MIPOL1: variants seen among roughly 807,000 people sequenced by gnomAD.
MIPOL1 encodes the protein mirror-image polydactyly gene 1 protein.
Under a neutral mutation model 60.9 loss-of-function variants are expected in MIPOL1, and 57 were observed. That is an observed-to-expected ratio of 0.94 (90% CI 0.76 to 1.17). MIPOL1 has a LOEUF of 1.17. Ranked by LOEUF, MIPOL1 falls within the 50% of genes most tolerant of loss-of-function variation. MIPOL1 has a pLI of 0.00. For synonymous variants in MIPOL1, 179 were observed against 168.8 expected (o/e 1.06, Z -0.47); for missense variants, 551 against 511.6 (o/e 1.08, Z -0.74).
intron 11 of MIPOL1, among the ~76,000 whole-genome samples, chr14:37,431,569 C>CTTTTTTTTTTTTTTTT (rs869258490): frequency 3.1e-5 from 2 of 64,832 alleles, no homozygotes; most frequent in African/African-American, 1.3e-4. Flanking sequence ...ATCTCTGTTT[C>CTTTTTTTTTTTTTTTT]TTTTTTTTTT....
At chr14:37,326,816 C>G (rs1161788528) in intron 9 of MIPOL1, among the ~76,000 whole-genome samples, 1 of 152,224 alleles carries the variant, frequency 6.6e-6, no homozygotes, top group Non-Finnish European at 1.5e-5. Flanking sequence ...AAGCCCTCCT[C>G]TGCTATGGTC....
intron 9 of MIPOL1, among the ~76,000 whole-genome samples, chr14:37,344,944 C>T (rs922621844): frequency 6.7e-6 from 1 of 149,622 alleles, no homozygotes; most frequent in Non-Finnish European, 1.5e-5. Flanking sequence ...ACAAGAGGAT[C>T]GCTTGAGCCC....
chr14:37,413,229 A>G (rs2093707946), intron 10 of MIPOL1, among the ~76,000 whole-genome samples: 1 of 152,162 alleles, frequency 6.6e-6, no homozygotes, highest in Non-Finnish European at 1.5e-5. Context: ...TATAAATATT[A>G]ATGTATTATT....
chr14:37,492,058 G>T (rs1210602749), intron 11 of MIPOL1, among the ~76,000 whole-genome samples: 2 of 152,142 alleles, frequency 1.3e-5, no homozygotes, highest in Non-Finnish European at 2.9e-5. Context: ...TGTTGCTCAG[G>T]CTGGTCTAGA....
chr14:37,480,045 A>T (rs961816360), intron 11 of MIPOL1, among the ~76,000 whole-genome samples: 4 of 151,910 alleles, frequency 2.6e-5, no homozygotes, highest in Admixed American at 6.6e-5. Flanking sequence ...AATCAGAAAT[A>T]AAAAAAATTT....
intron 12 of MIPOL1, among the ~76,000 whole-genome samples, 197 bp from the exon 13 acceptor site, chr14:37,546,708 T>C (rs989204912): frequency 6.6e-6 from 1 of 152,008 alleles, no homozygotes; most frequent in Admixed American, 6.6e-5. Context: ...GGGTTAAAGT[T>C]TGTGTCGTTG....
intron 11 of MIPOL1, among the ~76,000 whole-genome samples, chr14:37,426,594 T>TATATATATATATATATATATATACAC (rs1447990257): frequency 8.0e-6 from 1 of 125,434 alleles, no homozygotes; most frequent in African/African-American, 3.0e-5. Flanking sequence ...TATATATATA[T>TATATATATATATATATATATATACAC]ACACACACAC....
chr14:37,223,605 C>T (rs559876712), intron 1 of MIPOL1, among the ~76,000 whole-genome samples: 2 of 151,848 alleles, frequency 1.3e-5, no homozygotes, highest in Non-Finnish European at 2.9e-5. Context: ...TGGGTTCAAG[C>T]GATTTTCCTG....
In MIPOL1 at chr14:37,358,235, A is replaced by G. The variant is rs548462146; in HGVS notation, c.829-11282A>G. ...GTGCCACATTTTCTTAATCCAGTCT[A>G]TTATTGATGGGCATTTGAGTTCATT... On this transcript the variant is annotated intron_variant, in intron 9 of 12. Transcript: ENST00000684589. 2.6e-4 allele frequency among the ~76,000 whole-genome samples: 40 copies of G among 152,240 alleles called. 1 individual carries two copies. The highest frequency in any genetic ancestry group is 5.1e-4 in the Non-Finnish European group (35 of 68,014).
At position 37,354,290 on chromosome 14, in the gene MIPOL1, G is replaced by A. The variant is rs960145044; in HGVS notation, c.829-15227G>A. The stretch of plus-strand genomic sequence containing the variant: ...TGAGAGATAGTTTGTTATAATTTCT[G>A]TTCTTTTACATTTGCTGAGGAGAGC... On this transcript the variant is annotated intron_variant, in intron 9 of 12. Transcript: ENST00000684589. Among the ~76,000 whole-genome samples the A allele has an allele frequency of 2.2e-3, 323 of 145,520 alleles. 3 individuals carry two copies. The highest frequency in any genetic ancestry group is 7.6e-3 in the African/African-American group (299 of 39,144).
At chr14:37,455,109 T>A (rs2094462922) in intron 11 of MIPOL1, among the ~76,000 whole-genome samples, 1 of 152,160 alleles carries the variant, frequency 6.6e-6, no homozygotes, top group Non-Finnish European at 1.5e-5. Flanking sequence ...ACATTTTCAG[T>A]TGATATTTCA....
At chr14:37,519,487 A>G (rs1042981052) in intron 12 of MIPOL1, among the ~76,000 whole-genome samples, 1 of 151,966 alleles carries the variant, frequency 6.6e-6, no homozygotes, top group East Asian at 1.9e-4. Context: ...TAAAATTTTG[A>G]TATTTTTCTC....
At chr14:37,474,816 C>A (rs1374307820) in intron 11 of MIPOL1, among the ~76,000 whole-genome samples, 1 of 152,088 alleles carries the variant, frequency 6.6e-6, no homozygotes. Flanking sequence ...GGATTTTTGC[C>A]ATTCTAATAA....
At chr14:37,357,472 A>G (rs1262856801) in intron 9 of MIPOL1, among the ~76,000 whole-genome samples, 1 of 152,104 alleles carries the variant, frequency 6.6e-6, no homozygotes, top group African/African-American at 2.4e-5. Context: ...ACAATAATCT[A>G]ATTGTAGTTT....
chr14:37,237,481 C>T (rs193282385), intron 1 of MIPOL1, among the ~76,000 whole-genome samples: 59 of 152,088 alleles, frequency 3.9e-4, no homozygotes, highest in African/African-American at 1.2e-3. Context: ...TTCTATAGCT[C>T]CAGCCAGCAA....
chr14:37,476,853 A>T (rs2094782410), intron 11 of MIPOL1, among the ~76,000 whole-genome samples: 1 of 126,356 alleles, frequency 7.9e-6, no homozygotes. Context: ...GGGTTTTTGT[A>T]TCTATGTTTA....
intron 10 of MIPOL1, among the ~76,000 whole-genome samples, chr14:37,397,924 G>C (rs2093407367): frequency 6.6e-6 from 1 of 152,144 alleles, no homozygotes; most frequent in African/African-American, 2.4e-5. Context: ...AAAAGGGCTT[G>C]GTTCTTCCCC....
intron 9 of MIPOL1, among the ~76,000 whole-genome samples, chr14:37,342,708 T>G (rs2153463526): frequency 6.6e-6 from 1 of 152,198 alleles, no homozygotes; most frequent in East Asian, 1.9e-4. Flanking sequence ...AATTCACAAT[T>G]TTTTAAATGA....
chr14:37,427,260 A>G (rs1348759620), intron 11 of MIPOL1, among the ~76,000 whole-genome samples: 2 of 152,208 alleles, frequency 1.3e-5, no homozygotes, highest in Non-Finnish European at 2.9e-5. Context: ...ATTCTAATAC[A>G]TGCTGCAACA....
Sources: allele counts gnomAD v4.1 joint callset (sites outside exome capture counted in the v4.1 genomes callset), GRCh38; gene constraint gnomAD v4.1.1; transcripts MANE v1.5; gene names NCBI Gene and HGNC (gene_info 2026-07-23, HGNC 2026-07-21).